Variants in SLK observed in about 807,000 individuals in gnomAD.
SLK encodes the protein STE20-like serine/threonine-protein kinase.
Under a neutral mutation model 147.7 loss-of-function variants are expected in SLK, and 67 were observed. That is an observed-to-expected ratio of 0.45 (90% CI 0.37 to 0.56). The LOEUF is 0.56. SLK is among the 20% of genes least tolerant of loss of function. The pLI is 0.00. For missense variants in SLK, 1,136 were observed against 1,438.8 expected (o/e 0.79, Z 3.41); for synonymous variants, 441 against 475.0 (o/e 0.93, Z 0.93).
In SLK at chr10:104,016,415, T is replaced by C. The variant is rs546845151; in HGVS notation, c.2878-1745T>C. ...AAGAAAAGCTTGAACAACTTTGTTA[T>C]AACTACTTAAAAGATAGGCTTGGAG... On this transcript the variant is annotated intron_variant, in intron 13 of 18. Transcript: ENST00000369755. 2.0e-5 allele frequency among the ~76,000 whole-genome samples: 3 copies of C among 152,332 alleles called. No homozygotes were observed. In the East Asian group the frequency reaches 5.8e-4, roughly 29 times the overall value.
At chr10:104,014,023 T>C (rs61861272) in intron 13 of SLK, among the ~76,000 whole-genome samples, 2,366 of 152,264 alleles carry the variant, frequency 0.016, 27 homozygotes, top group Non-Finnish European at 0.025. Context: ...TAGAGCACTT[T>C]TAACACGGTG....
chr10:103,977,715 G>C (rs1843889104), intron 1 of SLK, among the ~76,000 whole-genome samples: 1 of 152,030 alleles, frequency 6.6e-6, no homozygotes, highest in South Asian at 2.1e-4. Context: ...TATCTTTCCA[G>C]CTACTATTTT....
intron 18 of SLK, among the ~76,000 whole-genome samples, chr10:104,024,974 C>T (rs1197549399): frequency 2.6e-5 from 4 of 152,148 alleles, no homozygotes; most frequent in South Asian, 2.1e-4. Context: ...GCATAGTATC[C>T]GCACATTAGG....
chr10:103,998,818 T>C, intron 4 of SLK, 81 bp from the exon 5 acceptor site: 1 of 929,772 alleles, frequency 1.1e-6, no homozygotes, highest in Non-Finnish European at 1.7e-6. Context: ...TATTAAAGAC[T>C]TAAAATGCTT....
In SLK at chr10:103,999,029, C is replaced by T; in HGVS notation, c.587+58C>T. On this transcript the variant is annotated intron_variant, in intron 5 of 18. Coordinates refer to ENST00000369755, the MANE Select transcript of SLK (RefSeq NM_014720.4). ...AGTCATGTCAGCAGTTATAATTACT[C>T]ATGAATTTTTGTCCACATAATTGAT... The T allele has an allele frequency of 1.2e-5, 19 of 1,532,642 alleles. No individual in the cohort carries two copies. The South Asian group carries it at 1.8e-4, about 15-fold the overall frequency. 94.9% of individuals were successfully genotyped at this position (1,532,642 alleles called of 1,614,324 possible).
At chr10:103,968,925 T>C (rs1446380403) in intron 1 of SLK, among the ~76,000 whole-genome samples, 3 of 152,168 alleles carry the variant, frequency 2.0e-5, no homozygotes, top group Admixed American at 2.0e-4. Context: ...AGTATTGTTT[T>C]TTATTTTAAC....
chr10:104,007,404 G>A (rs189598571), intron 11 of SLK, among the ~76,000 whole-genome samples: 350 of 152,050 alleles, frequency 2.3e-3, no homozygotes, highest in Non-Finnish European at 4.1e-3. Flanking sequence ...GCAGGAGTTC[G>A]AGACCAACCT....
chr10:103,979,858 G>A (rs909774174), intron 1 of SLK, among the ~76,000 whole-genome samples: 1 of 152,080 alleles, frequency 6.6e-6, no homozygotes, highest in African/African-American at 2.4e-5. Context: ...GACATTTTAA[G>A]TTTTAATATA....
Position 103,999,174 on chromosome 10 carries a change from A to G in SLK, c.643A>G (p.Lys215Glu). ...ETSKDRPYDY[K>E]ADVWSLGITL... ...ATCTAAGGACAGACCCTATGACTAC[A>G]AAGCTGATGTTTGGTCCCTGGGTAT... Residue 215 changes from lysine to glutamate, a missense_variant, in exon 6 of 19, where the codon AAA becomes GAA. Lys to Glu is a moderately conservative substitution (Grantham distance 56). Around this residue, in one of 6 missense-constraint regions of SLK, gnomAD observed 141 missense variants for 219.3 expected, o/e 0.64. Transcript: ENST00000369755. 6.2e-7 allele frequency: 1 copy of G among 1,613,774 alleles called. No homozygotes were observed. The highest frequency in any genetic ancestry group is 2.2e-5 in the East Asian group (1 of 44,838).
In SLK at chr10:103,991,587, T is replaced by C. The variant is rs535572640; in HGVS notation, c.315+748T>C. Among the ~76,000 whole-genome samples, 251 of 152,152 alleles carry C rather than the reference T, an allele frequency of 1.6e-3. 1 individual carries two copies. The highest frequency in any genetic ancestry group is 7.2e-3 in the South Asian group (35 of 4,828). ...ATCCCAGTGCTGCCACTTACGGAAC[T>C]TGGATAAGTCAGTTAACTTTTATGA... On this transcript the variant is annotated intron_variant, in intron 2 of 18. Transcript: ENST00000369755.
intron 1 of SLK, among the ~76,000 whole-genome samples, chr10:103,975,277 A>G (rs1323176555): frequency 6.6e-6 from 1 of 151,932 alleles, no homozygotes; most frequent in Non-Finnish European, 1.5e-5. Flanking sequence ...CAAGTCCAAA[A>G]CATGAACTAA....
chr10:103,998,069 G>T (rs1397507646), intron 4 of SLK, among the ~76,000 whole-genome samples: 1 of 152,046 alleles, frequency 6.6e-6, no homozygotes, highest in Non-Finnish European at 1.5e-5. Context: ...TTATCCCCAA[G>T]AACCATATAA....
intron 1 of SLK, among the ~76,000 whole-genome samples, chr10:103,971,360 C>T (rs1317134475): frequency 1.3e-5 from 2 of 152,098 alleles, no homozygotes; most frequent in East Asian, 3.9e-4. Flanking sequence ...CTGCAACCTC[C>T]GCCTCCCAGG....
Position 104,025,806 on chromosome 10 carries a change from A to G in SLK, c.*86A>G. The G allele has an allele frequency of 8.6e-7, 1 of 1,156,644 alleles. No homozygotes were observed. 71.6% of individuals were successfully genotyped at this position (1,156,644 alleles called of 1,614,324 possible). ...TCTGCCACAGTCTCTCAGATAGCTCATGAAGACAATCACCTGCCTCACCTT... is the reference window on the plus strand; with the variant it reads ...TCTGCCACAGTCTCTCAGATAGCTCGTGAAGACAATCACCTGCCTCACCTT... On this transcript the variant is annotated 3_prime_UTR_variant, in exon 19 of 19. Transcript: ENST00000369755.
intron 1 of SLK, among the ~76,000 whole-genome samples, chr10:103,988,196 T>G (rs1244500929): frequency 6.6e-6 from 1 of 152,194 alleles, no homozygotes; most frequent in African/African-American, 2.4e-5. Flanking sequence ...TCTTTTCTCC[T>G]GGGATAGAGA....
intron 1 of SLK, among the ~76,000 whole-genome samples, chr10:103,981,401 C>T (rs1190053760): frequency 6.6e-6 from 1 of 152,108 alleles, no homozygotes; most frequent in African/African-American, 2.4e-5. Flanking sequence ...AGTGTCATAT[C>T]TCAGAATTCA....
At position 104,010,922 on chromosome 10, in the gene SLK, C is replaced by T; in HGVS notation, c.2877+14C>T. 1.3e-6 allele frequency: 2 copies of T among 1,520,464 alleles called. No homozygotes were observed. Among genetic ancestry groups the T allele is most frequent in the East Asian group, 2.3e-5 (1 of 43,124 alleles). 94.2% of individuals were successfully genotyped at this position (1,520,464 alleles called of 1,614,324 possible). ...CAGCATGCTCAGGTAACAGCAGCAG[C>T]TTAATGCTACTAAAACCAGAAAGCA... is the stretch of plus-strand genomic sequence containing the variant. On this transcript the variant is annotated intron_variant, in intron 13 of 18. Coordinates refer to ENST00000369755, the MANE Select transcript of SLK (RefSeq NM_014720.4).
At chr10:103,982,847 A>C (rs1564651916) in intron 1 of SLK, among the ~76,000 whole-genome samples, 1 of 152,220 alleles carries the variant, frequency 6.6e-6, no homozygotes, top group Non-Finnish European at 1.5e-5. Flanking sequence ...AGCAGAGGGC[A>C]GTGTAGTGAA....
chr10:104,002,644 A>G lies in SLK; in HGVS notation c.1466A>G (p.Glu489Gly). The G allele has an allele frequency of 1.2e-6, 2 of 1,608,212 alleles. No homozygotes were observed. Among genetic ancestry groups the G allele is most frequent in the Non-Finnish European group, 8.5e-7 (1 of 1,177,762 alleles). ...TTTGAAAATAAGCTTATAAAATCTG[A>G]AGAAATTAAAGATACTATTTTGCAA... ...QMFENKLIKS[E>G]EIKDTILQTV... is the part of the protein sequence containing the mutation. Residue 489 changes from glutamate (E) to glycine (G), a missense_variant, in exon 9 of 19, where the codon GAA (glutamate) becomes GGA (glycine). Coordinates refer to ENST00000369755, the MANE Select transcript of SLK (RefSeq NM_014720.4).
Sources: allele counts gnomAD v4.1 joint callset (sites outside exome capture counted in the v4.1 genomes callset), GRCh38; gene constraint gnomAD v4.1.1; regional missense constraint gnomAD v4.1.1; transcripts MANE v1.5; gene names NCBI Gene and HGNC (gene_info 2026-07-23, HGNC 2026-07-21).